PRKG1: variants seen among roughly 807,000 people sequenced by gnomAD.
PRKG1 encodes protein kinase cGMP-dependent 1.
In PRKG1, 35 loss-of-function variants were observed where a neutral mutation model predicts 88.1. That is an observed-to-expected ratio of 0.40 (90% confidence interval 0.30 to 0.53). PRKG1 has a LOEUF of 0.53. Among genes scored for constraint, PRKG1 ranks in the 20% least tolerant of loss-of-function variants. The pLI is 0.59. For missense variants in PRKG1, 540 were observed against 839.8 expected (o/e 0.64, Z 4.41); for synonymous variants, 303 against 292.5 (o/e 1.04, Z -0.37).
chr10:51,791,262 G>T (rs781566728), intron 3 of PRKG1, among the ~76,000 whole-genome samples: 1 of 152,222 alleles, frequency 6.6e-6, no homozygotes, highest in Non-Finnish European at 1.5e-5. Context: ...TGAGAGCAAG[G>T]TCTGTATCTT....
chr10:51,752,901 G>A (rs988923781), intron 3 of PRKG1, among the ~76,000 whole-genome samples: 1 of 152,066 alleles, frequency 6.6e-6, no homozygotes, highest in African/African-American at 2.4e-5. Context: ...AGCTGCAACT[G>A]TTCTAAGCAT....
intron 12 of PRKG1, among the ~76,000 whole-genome samples, chr10:52,277,853 T>C (rs1349873116): frequency 1.3e-5 from 2 of 152,174 alleles, no homozygotes; most frequent in Non-Finnish European, 1.5e-5. Context: ...AATGCATTTG[T>C]CCATTTGATT....
chr10:51,075,894 C>T (rs370828790), intron 1 of PRKG1, among the ~76,000 whole-genome samples: 6 of 152,100 alleles, frequency 3.9e-5, no homozygotes, highest in Non-Finnish European at 7.3e-5. Flanking sequence ...TGGGAGAGCA[C>T]CCAAAAGAAC....
At chr10:52,261,608 C>T (rs2132416368) in intron 10 of PRKG1, among the ~76,000 whole-genome samples, 1 of 152,140 alleles carries the variant, frequency 6.6e-6, no homozygotes, top group East Asian at 1.9e-4. Context: ...ACATGTGTCA[C>T]TCAGGCTGTG....
chr10:51,374,093 A>ATATATATATATATATATAT (rs1554801054), intron 2 of PRKG1, among the ~76,000 whole-genome samples: 7 of 100,188 alleles, frequency 7.0e-5, no homozygotes, highest in Non-Finnish European at 8.8e-5. Flanking sequence ...AAAAAAAAAA[A>ATATATATATATATATATAT]ATATATATAT....
At chr10:51,322,299 A>G (rs917172958) in intron 2 of PRKG1, among the ~76,000 whole-genome samples, 2 of 152,226 alleles carry the variant, frequency 1.3e-5, no homozygotes, top group African/African-American at 2.4e-5. Flanking sequence ...CTGAGAGTCA[A>G]CTTGAGCAAA....
chr10:51,890,839 C>T (rs1841701618), intron 4 of PRKG1, among the ~76,000 whole-genome samples: 1 of 152,048 alleles, frequency 6.6e-6, no homozygotes, highest in African/African-American at 2.4e-5. Context: ...ACCAGTAATC[C>T]CAGCTCCTCA....
At chr10:51,044,444 A>G (rs1843462364) in intron 1 of PRKG1, among the ~76,000 whole-genome samples, 1 of 152,160 alleles carries the variant, frequency 6.6e-6, no homozygotes, top group Admixed American at 6.5e-5. Flanking sequence ...CACTGAAGCA[A>G]CTCATGCACT....
At chr10:51,281,843 G>T (rs1317009897) in intron 2 of PRKG1, among the ~76,000 whole-genome samples, 1 of 152,150 alleles carries the variant, frequency 6.6e-6, no homozygotes, top group Non-Finnish European at 1.5e-5. Flanking sequence ...CTGAGGGAAG[G>T]GGGTAGCTTC....
chr10:51,534,371 A>G (rs1842089086), intron 3 of PRKG1, among the ~76,000 whole-genome samples: 1 of 152,136 alleles, frequency 6.6e-6, no homozygotes, highest in Non-Finnish European at 1.5e-5. Flanking sequence ...GAAAATGAAA[A>G]TGAAAGGCGG....
At chr10:51,291,657 G>A (rs977398123) in intron 2 of PRKG1, among the ~76,000 whole-genome samples, 1 of 152,126 alleles carries the variant, frequency 6.6e-6, no homozygotes, top group Non-Finnish European at 1.5e-5. Context: ...AGGAATGGGT[G>A]CCCCCCTTAA....
At position 51,124,264 on chromosome 10, in the gene PRKG1, A is replaced by G. The variant is rs376007024; in HGVS notation, c.312-28900A>G. 1.6e-3 allele frequency among the ~76,000 whole-genome samples: 247 copies of G among 152,244 alleles called. 3 individuals are homozygous for G. In the South Asian group the frequency reaches 0.032, roughly 20 times the overall value. On this transcript the variant is annotated intron_variant, in intron 1 of 17. Transcript: ENST00000373980. ...TGTTTTCTTAGACTTTTGTCAGCAC[A>G]CTGTCCTTTGGATATTCTCTTTTGT...
chr10:52,011,946 G>A (rs1362431956), intron 5 of PRKG1, among the ~76,000 whole-genome samples: 2 of 152,156 alleles, frequency 1.3e-5, no homozygotes, highest in East Asian at 3.9e-4. Context: ...ATCCATGTAA[G>A]ACTTGACTTG....
At chr10:51,698,644 C>G in intron 3 of PRKG1, 1 of 1,614,154 alleles carries the variant, frequency 6.2e-7, no homozygotes, top group Non-Finnish European at 8.5e-7. Context: ...GCACTTGTCC[C>G]CGCTCTAAAG....
intron 4 of PRKG1, among the ~76,000 whole-genome samples, chr10:51,864,440 G>C (rs1009259146): frequency 2.0e-5 from 3 of 152,158 alleles, no homozygotes; most frequent in Non-Finnish European, 4.4e-5. Flanking sequence ...GAGTTAGATA[G>C]TACCCAACAC....
At chr10:51,855,187 C>G (rs1840649203) in intron 4 of PRKG1, among the ~76,000 whole-genome samples, 1 of 152,100 alleles carries the variant, frequency 6.6e-6, no homozygotes, top group Non-Finnish European at 1.5e-5. Flanking sequence ...TTCAAAGGAT[C>G]CTGCTGTACT....
chr10:51,656,592 G>T (rs1198266940), intron 3 of PRKG1, among the ~76,000 whole-genome samples: 1 of 151,966 alleles, frequency 6.6e-6, no homozygotes, highest in South Asian at 2.1e-4. Flanking sequence ...CTTAGTCCTC[G>T]CCTTGGCTAT....
chr10:52,254,786 G>C (rs544564669), intron 10 of PRKG1, among the ~76,000 whole-genome samples: 1 of 151,994 alleles, frequency 6.6e-6, no homozygotes, highest in Non-Finnish European at 1.5e-5. Context: ...ATTTTTGGAC[G>C]TGAGTACATA....
intron 7 of PRKG1, among the ~76,000 whole-genome samples, chr10:52,107,298 G>C (rs1334300278): frequency 3.9e-5 from 6 of 152,138 alleles, no homozygotes; most frequent in Non-Finnish European, 5.9e-5. Context: ...GTACATTTTA[G>C]ACAAAGACCT....
Sources: gnomAD v4.1 joint callset for allele counts (sites outside exome capture counted in the v4.1 genomes callset) on GRCh38, gnomAD v4.1.1 for gene constraint, MANE v1.5 for transcripts, NCBI Gene and HGNC (gene_info 2026-07-23, HGNC 2026-07-21) for gene names.